The following EYA2 variants were observed in gnomAD, a reference collection of about 807,000 sequenced individuals.
EYA2 encodes the protein EYA transcriptional coactivator and phosphatase 2.
A neutral mutation model predicts 69.2 loss-of-function variants in EYA2; 31 were observed. The ratio of observed to expected loss-of-function variants is 0.45; its 90% CI spans 0.34 to 0.60. The LOEUF (loss-of-function observed/expected upper bound fraction) is 0.60, where lower values mean the gene tolerates loss of function less well. Ranked by LOEUF, EYA2 falls within the 20% of genes least tolerant of loss-of-function variation. EYA2 has a pLI of 0.02. For missense variants in EYA2, 622 were observed against 701.2 expected (o/e 0.89, Z 1.28); for synonymous variants, 257 against 279.4 (o/e 0.92, Z 0.80).
intron 1 of EYA2, among the ~76,000 whole-genome samples, chr20:46,980,436 G>T (rs1030416371): frequency 1.3e-5 from 2 of 151,516 alleles, no homozygotes; most frequent in African/African-American, 2.4e-5. Context: ...CAAAAAACTC[G>T]CTGTGCTGAA....
intron 5 of EYA2, among the ~76,000 whole-genome samples, chr20:47,030,549 C>T (rs1600654137): frequency 6.6e-6 from 1 of 152,004 alleles, no homozygotes; most frequent in Non-Finnish European, 1.5e-5. Context: ...AGGATACAGG[C>T]GGTGCATGAG....
At chr20:47,023,632 G>GTTTTT (rs60939329) in intron 5 of EYA2, among the ~76,000 whole-genome samples, 1,539 of 89,752 alleles carry the variant, frequency 0.017, 102 homozygotes, top group African/African-American at 0.025. Context: ...GATTTTGGGT[G>GTTTTT]TTTTTTTTTT....
At chr20:47,004,868 G>C in intron 3 of EYA2, 74 bp from the exon 4 acceptor site, 1 of 1,599,460 alleles carries the variant, frequency 6.3e-7, no homozygotes, top group Non-Finnish European at 8.6e-7. Context: ...AAAAATGGGG[G>C]TGTTGATATC....
chr20:46,950,819 C>T (rs1978750940), intron 1 of EYA2, among the ~76,000 whole-genome samples: 1 of 152,020 alleles, frequency 6.6e-6, no homozygotes, highest in African/African-American at 2.4e-5. Flanking sequence ...GCTCCAGTGC[C>T]AATAGTTCAT....
chr20:47,112,848 T>C (rs2032783713), intron 9 of EYA2, among the ~76,000 whole-genome samples: 1 of 146,296 alleles, frequency 6.8e-6, no homozygotes, highest in Admixed American at 6.9e-5. Flanking sequence ...AAAAGTTAGA[T>C]TTCATGTTCA....
At chr20:47,081,876 G>A (rs1023667063) in intron 7 of EYA2, among the ~76,000 whole-genome samples, 1 of 151,726 alleles carries the variant, frequency 6.6e-6, no homozygotes, top group African/African-American at 2.4e-5. Flanking sequence ...GTCTCGATCT[G>A]TCGCCCAGGC....
chr20:47,001,286 C>G (rs1301670630), intron 2 of EYA2, 142 bp from the exon 3 acceptor site: 5 of 728,562 alleles, frequency 6.9e-6, no homozygotes, highest in Non-Finnish European at 1.0e-5. Context: ...TGTGGCGCCT[C>G]AGATAAGCAT....
chr20:47,054,344 G>A (rs114076274), intron 5 of EYA2, among the ~76,000 whole-genome samples: 76 of 152,282 alleles, frequency 5.0e-4, no homozygotes, highest in African/African-American at 1.6e-3. Flanking sequence ...AATAGATCAC[G>A]TCTCATTCAT....
At chr20:47,016,328 C>T in intron 5 of EYA2, 31 bp downstream of exon 5, 1 of 1,553,564 alleles carries the variant, frequency 6.4e-7, no homozygotes. Flanking sequence ...CCTTCCTGCC[C>T]ATCTCTAAGG....
rs114620796 is a variant in EYA2, at chr20:47,024,224, G to A, written c.415+7927G>A. On this transcript the variant is annotated intron_variant, in intron 5 of 15. Coordinates refer to ENST00000327619, the MANE Select transcript of EYA2 (RefSeq NM_005244.5). Reference sequence around the variant, plus strand: ...TATAAATACTTTTGAGCTTTGTTCTGGGATGCAGTTAGGTTACTTAGAAAC... The same window carrying A: ...TATAAATACTTTTGAGCTTTGTTCTAGGATGCAGTTAGGTTACTTAGAAAC... 7.6e-3 allele frequency among the ~76,000 whole-genome samples: 1,161 copies of A among 152,228 alleles called. 13 individuals carry two copies. The highest frequency in any genetic ancestry group is 0.027 in the African/African-American group (1,102 of 41,522).
intron 1 of EYA2, among the ~76,000 whole-genome samples, chr20:46,963,517 G>A (rs1979601320): frequency 1.3e-5 from 2 of 152,204 alleles, no homozygotes; most frequent in Non-Finnish European, 2.9e-5. Context: ...AACTTTAGAT[G>A]GTCTCAGTGC....
intron 5 of EYA2, among the ~76,000 whole-genome samples, chr20:47,032,536 G>T (rs1039526037): frequency 1.3e-5 from 2 of 152,062 alleles, no homozygotes; most frequent in Admixed American, 1.3e-4. Context: ...ATATCTTGGT[G>T]TGCATCTTGT....
rs572973748 is a variant in EYA2, at chr20:47,066,582, T to C, written c.416-5603T>C. Among the ~76,000 whole-genome samples, 21 of 152,260 alleles carry C rather than the reference T, an allele frequency of 1.4e-4. 1 individual carries two copies. The highest frequency in any genetic ancestry group is 5.1e-4 in the African/African-American group (21 of 41,550). ...CTGTTGCTCAGCTGCATATCCAAGA[T>C]GGCCCCATTCCATGGAGAAAGAGAA... On this transcript the variant is annotated intron_variant, in intron 5 of 15. Coordinates refer to ENST00000327619, the MANE Select transcript of EYA2 (RefSeq NM_005244.5).
At position 47,025,084 on chromosome 20, in the gene EYA2, A is replaced by G. The variant is rs141438856; in HGVS notation, c.415+8787A>G. On this transcript the variant is annotated intron_variant, in intron 5 of 15. Transcript: ENST00000327619. ...TATGCATTTTGCCCTTGTTTCCATA[A>G]TTCAGCACCTCCATCATCTCTTCAT... Among the ~76,000 whole-genome samples, 108 of 152,314 alleles carry G rather than the reference A, an allele frequency of 7.1e-4. 2 individuals carry two copies. In the South Asian group the frequency reaches 0.021, roughly 30 times the overall value.
chr20:47,182,655 G>T (rs1472640036), intron 14 of EYA2, among the ~76,000 whole-genome samples: 1 of 104,910 alleles, frequency 9.5e-6, no homozygotes, highest in Non-Finnish European at 1.9e-5. Context: ...GGTTAAGATG[G>T]CTGGGTGCAG....
At chr20:47,069,210 TAGGC>T (rs1372922312) in intron 5 of EYA2, among the ~76,000 whole-genome samples, 8 of 152,300 alleles carry the variant, frequency 5.3e-5, no homozygotes, top group Admixed American at 5.2e-4. Context: ...AAACTCACCA[TAGGC>T]CGGGCTCAGT....
At chr20:46,992,005 C>A (rs1413498247) in intron 2 of EYA2, among the ~76,000 whole-genome samples, 1 of 68,918 alleles carries the variant, frequency 1.5e-5, no homozygotes, top group African/African-American at 4.7e-5. Context: ...GCTTTAGCAA[C>A]CCTGGGCCCC....
intron 5 of EYA2, among the ~76,000 whole-genome samples, chr20:47,055,233 C>T (rs4810603): frequency 0.066 from 10,124 of 152,298 alleles, 470 homozygotes; most frequent in South Asian, 0.099. Flanking sequence ...CCTCATTGCC[C>T]TGCATGGGAC....
chr20:46,926,746 C>G (rs972897861), intron 1 of EYA2, among the ~76,000 whole-genome samples: 18 of 152,182 alleles, frequency 1.2e-4, no homozygotes, highest in African/African-American at 4.1e-4. Flanking sequence ...AGAAATGAGA[C>G]TTTTCCACTA....
Sources: allele counts gnomAD v4.1 joint callset (sites outside exome capture counted in the v4.1 genomes callset), GRCh38; gene constraint gnomAD v4.1.1; transcripts MANE v1.5; gene names NCBI Gene and HGNC (gene_info 2026-07-23, HGNC 2026-07-21).